Variants in TOR1AIP2 observed in about 807,000 individuals in gnomAD.
The protein encoded by TOR1AIP2 is torsin-1A-interacting protein 2.
In TOR1AIP2, 20 loss-of-function variants were observed where a neutral mutation model predicts 32.6. The ratio of observed to expected loss-of-function variants is 0.61; its 90% CI spans 0.43 to 0.89. The LOEUF is 0.89. TOR1AIP2 is among the 40% of genes least tolerant of loss of function. The pLI, the probability that TOR1AIP2 is intolerant of heterozygous loss-of-function variation, is 0.00. For missense variants in TOR1AIP2, 456 were observed against 553.8 expected (o/e 0.82, Z 1.77); for synonymous variants, 214 against 210.8 (o/e 1.02, Z -0.13).
rs2148423669 is a variant in TOR1AIP2 at position 179,847,608 on chromosome 1, T to G, written c.582A>C (p.Gln194His). Residue 194 changes from glutamine (Q) to histidine (H), a missense_variant, in exon 6 of 7, where the codon CAA (glutamine) becomes CAC (histidine). Gln to His is a conservative substitution (Grantham distance 24). Coordinates refer to ENST00000609928, the MANE Select transcript of TOR1AIP2 (RefSeq NM_001199260.2). ...PEAGSHPQQT[Q>H]KLEEIKENAQ... ...CATTCTCTTTAATTTCTTCCAATTTTTGTGTTTGTTGTGGATGACTTCCAG... is the reference window on the plus strand; with the variant it reads ...CATTCTCTTTAATTTCTTCCAATTTGTGTGTTTGTTGTGGATGACTTCCAG... The G allele has an allele frequency of 6.2e-7, 1 of 1,613,988 alleles. No homozygotes were observed. The highest frequency in any genetic ancestry group is 2.2e-5 in the East Asian group (1 of 44,852).
At chr1:179,867,140 A>G (rs1696815239) in intron 2 of TOR1AIP2, among the ~76,000 whole-genome samples, 1 of 152,244 alleles carries the variant, frequency 6.6e-6, no homozygotes, top group Non-Finnish European at 1.5e-5. Flanking sequence ...TGTGATTCTC[A>G]GATTTTAAAA....
intron 3 of TOR1AIP2, chr1:179,864,541 C>T (rs1696688118): frequency 3.3e-6 from 4 of 1,230,434 alleles, no homozygotes; most frequent in South Asian, 3.0e-5. Context: ...ATAGGAAATA[C>T]GGATTAGCCT....
At chr1:179,855,778 T>C (rs1696275885) in intron 3 of TOR1AIP2, among the ~76,000 whole-genome samples, 2 of 152,196 alleles carry the variant, frequency 1.3e-5, no homozygotes, top group Non-Finnish European at 2.9e-5. Flanking sequence ...TAAATGTTCA[T>C]TAATAAGAAA....
At position 179,875,920 on chromosome 1, in the gene TOR1AIP2, T is replaced by C. The variant is rs933879737; in HGVS notation, c.-566+1319A>G. 10 of 152,226 alleles carry C rather than the reference T, an allele frequency of 6.6e-5. No homozygotes were observed. In the East Asian group the frequency reaches 9.6e-4, roughly 15 times the overall value. The allele number at this position is 152,226 out of a possible 1,614,324, so 9.4% of individuals were successfully genotyped here. A position where few individuals can be genotyped will look rare whatever the true frequency, so the allele number is the denominator to read the frequency against. ...TGATCGCCCTATGAATTCCTTCTTG[T>C]AGGACACAGTTTAATCCAGTAGTTC... On this transcript the variant is annotated intron_variant, in intron 2 of 6. Coordinates refer to ENST00000609928, the MANE Select transcript of TOR1AIP2 (RefSeq NM_001199260.2).
chr1:179,851,104 T>C lies in TOR1AIP2; in HGVS notation c.294A>G (p.Gly98=). 6.2e-7 allele frequency: 1 copy of C among 1,614,232 alleles called. No individual in the cohort carries two copies. The highest frequency in any genetic ancestry group is 8.5e-7 in the Non-Finnish European group (1 of 1,180,046). ...TTTCTGAAGGGAGGTGATGCCCTTT[T>C]CCGCCATCCAGAAAACTCTGCTTGT... ...DENKQSFLDG[G]KGHHLPSENL... is the part of the protein sequence containing the mutation. The change falls in exon 5 of 7, where the codon GGA becomes GGG. Residue 98 remains glycine (G), a synonymous_variant. Transcript: ENST00000609928.
chr1:179,863,798 G>A lies in TOR1AIP2; in HGVS notation c.-147+1638C>T, dbSNP rs144273737. The A allele has an allele frequency of 4.1e-6, 4 of 984,864 alleles. No individual in the cohort carries two copies. The African/African-American group carries it at 5.2e-5, about 13-fold the overall frequency. 61.0% of individuals were successfully genotyped at this position (984,864 alleles called of 1,614,324 possible). ...TACCTAGATACCTGGCATGTTAAGT[G>A]TAATTTAAAAATTGTTCAGTGGCCT... On this transcript the variant is annotated intron_variant, in intron 3 of 6. Coordinates refer to ENST00000609928, the MANE Select transcript of TOR1AIP2 (RefSeq NM_001199260.2).
intron 2 of TOR1AIP2, among the ~76,000 whole-genome samples, chr1:179,872,042 C>G (rs1238402996): frequency 6.6e-6 from 1 of 152,174 alleles, no homozygotes; most frequent in Non-Finnish European, 1.5e-5. Flanking sequence ...CTATTTAGTA[C>G]ACACACTGTT....
intron 3 of TOR1AIP2, chr1:179,858,917 A>T: frequency 1.4e-6 from 1 of 707,488 alleles, no homozygotes; most frequent in Non-Finnish European, 1.7e-6. Context: ...CCATTTTTTA[A>T]ATGGAGAAGG....
intron 2 of TOR1AIP2, chr1:179,874,587 AC>A (rs1697124302): frequency 6.6e-6 from 1 of 151,816 alleles, no homozygotes; most frequent in Non-Finnish European, 1.5e-5. Flanking sequence ...ACATATCGAG[AC>A]CTTGTTCATA....
At chr1:179,855,959 G>A (rs1037358945) in intron 3 of TOR1AIP2, among the ~76,000 whole-genome samples, 2 of 152,052 alleles carry the variant, frequency 1.3e-5, no homozygotes, top group African/African-American at 4.8e-5. Context: ...CAGACAGATC[G>A]GTTGAGCTTA....
chr1:179,873,917 T>C (rs149575172), intron 2 of TOR1AIP2: 1 of 152,332 alleles, frequency 6.6e-6, no homozygotes, highest in East Asian at 1.9e-4. Context: ...TTTTGTAGCA[T>C]TTCCTTACTT....
At chr1:179,870,941 G>A (rs946419896) in intron 2 of TOR1AIP2, among the ~76,000 whole-genome samples, 2 of 152,210 alleles carry the variant, frequency 1.3e-5, no homozygotes, top group African/African-American at 4.8e-5. Context: ...CTTATTTGAG[G>A]AGCGCACCAT....
chr1:179,862,402 A>G (rs1366559028), intron 3 of TOR1AIP2: 16 of 985,402 alleles, frequency 1.6e-5, no homozygotes, highest in Non-Finnish European at 1.9e-5. Flanking sequence ...GAAATTCTTC[A>G]TTAAAGAGTT....
At chr1:179,863,336 A>C (rs1486338555) in intron 3 of TOR1AIP2, 9 of 984,874 alleles carry the variant, frequency 9.1e-6, no homozygotes, top group African/African-American at 3.5e-5. Flanking sequence ...GCTCCCTTGT[A>C]AACTGGTACT....
At chr1:179,852,263 T>TAA (rs772686671) in intron 4 of TOR1AIP2, among the ~76,000 whole-genome samples, 6 of 89,564 alleles carry the variant, frequency 6.7e-5, no homozygotes, top group East Asian at 2.8e-4. Context: ...CTGGGTAACA[T>TAA]AAAAAAAAAA....
At chr1:179,864,907 A>G in intron 3 of TOR1AIP2, 1 of 1,614,066 alleles carries the variant, frequency 6.2e-7, no homozygotes, top group Non-Finnish European at 8.5e-7. Context: ...GAGGACCCAG[A>G]AGAAATGGAT....
At chr1:179,859,650 T>A in intron 3 of TOR1AIP2, 1 of 985,398 alleles carries the variant, frequency 1.0e-6, no homozygotes, top group Non-Finnish European at 1.2e-6. Context: ...ATACAGCAAT[T>A]ATATCTACCA....
At chr1:179,868,254 G>A (rs999777060) in intron 2 of TOR1AIP2, 1 of 151,958 alleles carries the variant, frequency 6.6e-6, no homozygotes, top group African/African-American at 2.4e-5. Context: ...GTACTACTAG[G>A]CTTGCTTTAT....
At chr1:179,854,927 C>T (rs758162779) in intron 3 of TOR1AIP2, among the ~76,000 whole-genome samples, 2 of 151,836 alleles carry the variant, frequency 1.3e-5, no homozygotes, top group African/African-American at 2.4e-5. Context: ...CACTAGCACA[C>T]GAATAGACAA....
Sources: gnomAD v4.1 joint callset for allele counts (sites outside exome capture counted in the v4.1 genomes callset) on GRCh38, gnomAD v4.1.1 for gene constraint, MANE v1.5 for transcripts, NCBI Gene and HGNC (gene_info 2026-07-23, HGNC 2026-07-21) for gene names.